The following GRAMD1B variants were observed in gnomAD, a reference collection of about 807,000 sequenced individuals.
GRAMD1B encodes the protein GRAM domain containing 1B.
Under a neutral mutation model 99.7 loss-of-function variants are expected in GRAMD1B, and 37 were observed. The observed-to-expected ratio is 0.37, with a 90% CI of 0.29 to 0.49. The LOEUF (loss-of-function observed/expected upper bound fraction) is 0.49. Among genes scored for constraint, GRAMD1B ranks in the 20% least tolerant of loss-of-function variants. GRAMD1B has a pLI of 0.98. For missense variants in GRAMD1B, 888 were observed against 1,009.2 expected, an observed-to-expected ratio of 0.88 and a Z score of 1.63; for synonymous variants, 427 against 387.6, an observed-to-expected ratio of 1.10 and a Z score of -1.19.
chr11:123,565,838 G>A (rs747190409), intron 2 of GRAMD1B, among the ~76,000 whole-genome samples: 12 of 152,312 alleles, frequency 7.9e-5, no homozygotes, highest in East Asian at 1.9e-4. Flanking sequence ...AATGTTAGGC[G>A]TTTGTTCTGT....
At chr11:123,575,385 G>A (rs1324851410) in intron 2 of GRAMD1B, among the ~76,000 whole-genome samples, 3 of 152,176 alleles carry the variant, frequency 2.0e-5, no homozygotes, top group South Asian at 2.1e-4. Context: ...ATCTCATCAT[G>A]TTGCCCGGGC....
Position 123,581,640 on chromosome 11 carries a change from T to C in GRAMD1B, c.664-2672T>C, listed in dbSNP as rs147913789. On this transcript the variant is annotated intron_variant, in intron 3 of 19. Coordinates refer to ENST00000635736, the MANE Select transcript of GRAMD1B (RefSeq NM_001387025.1). ...AGCAGGTAAGAAGCTGCCTGGAGAT[T>C]GCTGGTTCAGGGCAGAGCCTCAGCA... 4.9e-3 allele frequency among the ~76,000 whole-genome samples: 746 copies of C among 152,348 alleles called. 5 individuals carry two copies. The highest frequency in any genetic ancestry group is 0.017 in the African/African-American group (707 of 41,580).
At chr11:123,414,524 T>A (rs1948162343) in intron 1 of GRAMD1B, among the ~76,000 whole-genome samples, 1 of 152,226 alleles carries the variant, frequency 6.6e-6, no homozygotes, top group African/African-American at 2.4e-5. Flanking sequence ...GCTCCCTCTC[T>A]TATTGATATG....
intron 1 of GRAMD1B, among the ~76,000 whole-genome samples, chr11:123,362,581 GATGTACTACCT>G (rs1446212296): frequency 6.6e-6 from 1 of 152,160 alleles, no homozygotes; most frequent in East Asian, 1.9e-4. Flanking sequence ...CAAGACCAGT[GATGTACTACCT>G]ACCTACTCTC....
rs1426544535 is a variant in GRAMD1B at position 123,449,226 on chromosome 11, G to GT, written c.374+18063dup. ...TGTGATAACGTGCTCGCATTGTATC[G>GT]TTTATTAGATCCTACACACTGAAGG... On this transcript the variant is annotated intron_variant, in intron 1 of 19. Transcript: ENST00000635736. 2.0e-5 allele frequency among the ~76,000 whole-genome samples: 3 copies of GT among 152,160 alleles called. No individual in the cohort carries two copies. The East Asian group carries it at 5.8e-4, about 29-fold the overall frequency.
At chr11:123,614,724 T>G (rs1265224901) in intron 16 of GRAMD1B, 21 bp from the exon 17 acceptor site, 4 of 1,502,750 alleles carry the variant, frequency 2.7e-6, no homozygotes, top group Non-Finnish European at 3.7e-6. Context: ...ATGGTGATGG[T>G]CTCTTTAATT....
intron 1 of GRAMD1B, among the ~76,000 whole-genome samples, chr11:123,438,620 A>C (rs1949270983): frequency 6.6e-6 from 1 of 152,170 alleles, no homozygotes; most frequent in Admixed American, 6.5e-5. Flanking sequence ...CTGATTTCAT[A>C]CTGGCCAGCT....
intron 2 of GRAMD1B, among the ~76,000 whole-genome samples, chr11:123,487,107 C>A (rs2714087): frequency 0.44 from 66,759 of 152,126 alleles, 17,069 homozygotes; most frequent in African/African-American, 0.71. Flanking sequence ...AGTGCTTACT[C>A]TGTGCTTAAA....
At chr11:123,583,968 G>A (rs1228404864) in intron 3 of GRAMD1B, among the ~76,000 whole-genome samples, 3 of 152,028 alleles carry the variant, frequency 2.0e-5, no homozygotes, top group Non-Finnish European at 4.4e-5. Flanking sequence ...TTCTGGTCAG[G>A]GCCCATTTGG....
rs1454143845 is a variant in GRAMD1B, at chr11:123,625,753, T to G, written c.*3158T>G. On this transcript the variant is annotated 3_prime_UTR_variant, in exon 20 of 20. Coordinates refer to ENST00000635736, the MANE Select transcript of GRAMD1B (RefSeq NM_001387025.1). ...CTAGCTTTGACATCATCTTGGGGGT[T>G]AGGCCAGAGGCTGGGAAGACTGGGT... 6.6e-6 allele frequency: 1 copy of G among 152,292 alleles called. No individual in the cohort carries two copies. The highest frequency in any genetic ancestry group is 6.5e-5 in the Admixed American group (1 of 15,282). The allele number at this position is 152,292 out of a possible 1,614,324, so 9.4% of individuals were successfully genotyped here. A position where few individuals can be genotyped will look rare whatever the true frequency, so the allele number is the denominator to read the frequency against.
At position 123,389,078 on chromosome 11, in the gene GRAMD1B, A is replaced by G. The variant is rs528706714; in HGVS notation, c.-176+30279A>G. Among the ~76,000 whole-genome samples the G allele has an allele frequency of 2.6e-5, 4 of 152,178 alleles. No individual in the cohort carries two copies. In the South Asian group the frequency reaches 8.3e-4, roughly 32 times the overall value. ...AACCCACTGCCACAGTCTAATCATG[A>G]GAAAAACAACAGTAAAAAAATCCCG... On this transcript the variant is annotated intron_variant, in intron 1 of 20. Coordinates refer to the GRAMD1B transcript ENST00000638157.
chr11:123,517,788 CTCAAT>C (rs1941816013), intron 2 of GRAMD1B, among the ~76,000 whole-genome samples: 1 of 152,160 alleles, frequency 6.6e-6, no homozygotes, highest in Non-Finnish European at 1.5e-5. Flanking sequence ...TGAGTTAACG[CTCAAT>C]TCATCTGTAT....
Position 123,431,049 on chromosome 11 carries a change from G to C in GRAMD1B, c.257G>C (p.Ser86Thr), listed in dbSNP as rs1208663469. 1.4e-6 allele frequency: 1 copy of C among 703,026 alleles called. No homozygotes were observed. Among genetic ancestry groups the C allele is most frequent in the Non-Finnish European group, 2.6e-6 (1 of 384,988 alleles). 43.5% of individuals were successfully genotyped at this position (703,026 alleles called of 1,614,324 possible). A position where few individuals can be genotyped will look rare whatever the true frequency, so the allele number is the denominator to read the frequency against. The change falls in exon 1 of 20, where the codon AGC (serine) becomes ACC (threonine). Residue 86 changes from serine (S) to threonine (T), a missense_variant. Transcript: ENST00000635736. ...CCGTCCATCGAGATCACGCCCTCCA[G>C]CGACGAGGACACCCCGTGGTCCAAC... ...QLPSIEITPS[S>T]DEDTPWSNCS...
chr11:123,388,195 G>T (rs1219672778), intron 1 of GRAMD1B, among the ~76,000 whole-genome samples: 1 of 150,712 alleles, frequency 6.6e-6, no homozygotes, highest in East Asian at 1.9e-4. Context: ...TAACTTTATA[G>T]TGGAGAAAAC....
chr11:123,574,217 A>G (rs1948474583), intron 2 of GRAMD1B, among the ~76,000 whole-genome samples: 1 of 152,274 alleles, frequency 6.6e-6, no homozygotes, highest in Non-Finnish European at 1.5e-5. Flanking sequence ...ATTGGGGGAA[A>G]GTGTATAGGT....
At chr11:123,427,310 G>T (rs1445229118), upstream of GRAMD1B, among the ~76,000 whole-genome samples, 3 of 152,158 alleles carry the variant, frequency 2.0e-5, no homozygotes, top group Non-Finnish European at 4.4e-5. Flanking sequence ...CCTTGTCATT[G>T]ATTAGCCATC....
At chr11:123,380,934 C>T (rs1316542968) in intron 1 of GRAMD1B, among the ~76,000 whole-genome samples, 1 of 152,178 alleles carries the variant, frequency 6.6e-6, no homozygotes, top group Non-Finnish European at 1.5e-5. Flanking sequence ...TTCTTCTCTA[C>T]GTACCTTCCT....
At chr11:123,583,391 TGTGC>T (rs1949671306) in intron 3 of GRAMD1B, among the ~76,000 whole-genome samples, 2 of 43,690 alleles carry the variant, frequency 4.6e-5, no homozygotes. Flanking sequence ...GGTGTGTATG[TGTGC>T]GTGTGTGTGT....
chr11:123,511,782 C>T (rs2135305425), intron 2 of GRAMD1B, among the ~76,000 whole-genome samples: 1 of 152,252 alleles, frequency 6.6e-6, no homozygotes, highest in East Asian at 1.9e-4. Flanking sequence ...AGTCTGCTGC[C>T]AGCCTGAACC....
Sources: gnomAD v4.1 joint callset for allele counts (sites outside exome capture counted in the v4.1 genomes callset) on GRCh38, gnomAD v4.1.1 for gene constraint, MANE v1.5 for transcripts, NCBI Gene and HGNC (gene_info 2026-07-23, HGNC 2026-07-21) for gene names.